The following GTF3C3 variants were observed in gnomAD, a reference collection of about 807,000 sequenced individuals.
The protein encoded by GTF3C3 is general transcription factor IIIC subunit 3.
GTF3C3 carries 75 observed loss-of-function variants against 105.2 expected under a neutral mutation model. The observed-to-expected ratio is 0.71, with a 90% confidence interval of 0.59 to 0.86. GTF3C3 has a LOEUF of 0.86. GTF3C3 is among the 40% of genes least tolerant of loss of function. The probability of loss-of-function intolerance (pLI) is 0.00; values close to 1 mark genes in which losing one functional copy is unlikely to be tolerated. For synonymous variants in GTF3C3, 335 were observed against 370.4 expected, an observed-to-expected ratio of 0.90 and a Z score of 1.10; for missense variants, 856 against 1,076.5, an observed-to-expected ratio of 0.80 and a Z score of 2.87.
chr2:196,799,521 G>GGGTTTTTCTCTCTTCTCTCC lies in GTF3C3; in HGVS notation c.71_90dup (p.Arg31GlyfsTer55). 1 of 1,613,574 alleles carries GGGTTTTTCTCTCTTCTCTCC rather than the reference G, an allele frequency of 6.2e-7. No homozygotes were observed. The highest frequency in any genetic ancestry group is 8.5e-7 in the Non-Finnish European group (1 of 1,179,530). On this transcript the variant is annotated frameshift_variant, in exon 1 of 18. Coordinates refer to ENST00000263956, the MANE Select transcript of GTF3C3 (RefSeq NM_012086.5). LOFTEE classifies it high-confidence loss of function. ...TAGCATCGCCTCACTTTCTTCTCGCGGGTTTTTCTCTCTTCTCTCCGCCGT... is the reference window on the plus strand; with the variant it reads ...TAGCATCGCCTCACTTTCTTCTCGCGGGTTTTTCTCTCTTCTCTCCGGTTTTTCTCTCTTCTCTCCGCCGT...
At chr2:196,794,133 G>A (rs184713151) in intron 2 of GTF3C3, among the ~76,000 whole-genome samples, 147 of 152,230 alleles carry the variant, frequency 9.7e-4, no homozygotes, top group African/African-American at 3.3e-3. Flanking sequence ...ACAGACCTGA[G>A]CTAGCATGCT....
At chr2:196,764,768 G>T in intron 17 of GTF3C3, 83 bp from the exon 18 acceptor site, 1 of 1,243,086 alleles carries the variant, frequency 8.0e-7, no homozygotes, top group Non-Finnish European at 1.1e-6. Flanking sequence ...AGTTTTATAA[G>T]TGTAAGTAAG....
intron 12 of GTF3C3, 54 bp from the exon 13 acceptor site, chr2:196,775,305 A>T: frequency 6.6e-7 from 1 of 1,515,296 alleles, no homozygotes; most frequent in East Asian, 2.3e-5. Flanking sequence ...TTTTGTTTAG[A>T]GACAAAGTCT....
chr2:196,768,303 G>A (rs1699108751), intron 16 of GTF3C3, among the ~76,000 whole-genome samples: 1 of 152,300 alleles, frequency 6.6e-6, no homozygotes, highest in East Asian at 1.9e-4. Context: ...ACAGGTGTAA[G>A]CCACTGTGCC....
Position 196,786,850 on chromosome 2 carries a change from CCTT to C in GTF3C3, c.894-1265_894-1263del, listed in dbSNP as rs1259812562. Among the ~76,000 whole-genome samples the C allele has an allele frequency of 6.6e-6, 1 of 152,120 alleles. No homozygotes were observed. The highest frequency in any genetic ancestry group is 1.5e-5 in the Non-Finnish European group (1 of 68,024). On this transcript the variant is annotated intron_variant, in intron 6 of 17. Coordinates refer to ENST00000263956, the MANE Select transcript of GTF3C3 (RefSeq NM_012086.5). The surrounding 1 kb of genome is among the most constrained non-coding windows in gnomAD (Gnocchi z 4.2). Reference sequence around the variant, plus strand: ...CCCATTCTGCCAATATTTCCAATCTCCTTGTTACTAAATCTGTCAATTCTCAGT... The same window carrying C: ...CCCATTCTGCCAATATTTCCAATCTCGTTACTAAATCTGTCAATTCTCAGT...
intron 7 of GTF3C3, 110 bp from the exon 8 acceptor site, chr2:196,785,039 T>TA: frequency 1.4e-6 from 1 of 714,194 alleles, no homozygotes; most frequent in Non-Finnish European, 2.3e-6. Flanking sequence ...AGTTGGGCTA[T>TA]AAAAAGAAAG....
intron 4 of GTF3C3, among the ~76,000 whole-genome samples, 182 bp from the exon 5 acceptor site, chr2:196,790,252 T>A (rs1338172432): frequency 6.6e-6 from 1 of 152,336 alleles, no homozygotes; most frequent in East Asian, 1.9e-4. Flanking sequence ...TCTGCTTTAT[T>A]TTCATACATT....
intron 15 of GTF3C3, 47 bp from the exon 16 acceptor site, chr2:196,770,086 ATTTAT>A: frequency 6.9e-7 from 1 of 1,438,922 alleles, no homozygotes; most frequent in Non-Finnish European, 9.1e-7. Flanking sequence ...GAACAGAGTT[ATTTAT>A]TTCTTCAACA....
At chr2:196,792,303 T>C (rs1231608473) in intron 3 of GTF3C3, among the ~76,000 whole-genome samples, 1 of 151,578 alleles carries the variant, frequency 6.6e-6, no homozygotes, top group African/African-American at 2.4e-5. Context: ...ACAACAGGAG[T>C]GCACTACCAC....
intron 16 of GTF3C3, 24 bp from the exon 17 acceptor site, chr2:196,766,741 T>G (rs1368820373): frequency 6.3e-7 from 1 of 1,582,876 alleles, no homozygotes; most frequent in East Asian, 2.2e-5. Context: ...AAAAGATAAT[T>G]CAATATTTCA....
rs1349403420 is a variant in GTF3C3, at chr2:196,784,873, G to A, written c.1098C>T (p.Thr366=). ...AACTACAACCTTTATTCTCTTCTGA[G>A]GTGCCTTCTTCTGAAGTTTTTTTTT... ...VLEKKTSEEG[T]SEENKAPENV... The change falls in exon 8 of 18, where the codon ACC becomes ACT. Residue 366 remains threonine (T), a synonymous_variant. Transcript: ENST00000263956. 1.9e-6 allele frequency: 3 copies of A among 1,611,172 alleles called. No individual in the cohort carries two copies. In the South Asian group the frequency reaches 3.3e-5, roughly 18 times the overall value.
Position 196,763,595 on chromosome 2 carries a change from T to TTTTA in GTF3C3, c.*964_*967dup, listed in dbSNP as rs376729316. 9.8e-5 allele frequency: 15 copies of TTTTA among 152,356 alleles called. No individual in the cohort carries two copies. Among genetic ancestry groups the TTTTA allele is most frequent in the African/African-American group, 2.6e-4 (11 of 41,590 alleles). The allele number at this position is 152,356 out of a possible 1,614,324, so 9.4% of individuals were successfully genotyped here. A position where few individuals can be genotyped will look rare whatever the true frequency, so the allele number is the denominator to read the frequency against. On this transcript the variant is annotated 3_prime_UTR_variant, in exon 18 of 18. Coordinates refer to ENST00000263956, the MANE Select transcript of GTF3C3 (RefSeq NM_012086.5). ...GGTAAGAATTTCTAATAAGTCCCAA[T>TTTTA]TTTATTTCTTTGATCCTAAGCCTCT...
chr2:196,775,872 T>G (rs1328031885), intron 12 of GTF3C3, 138 bp downstream of exon 12: 4 of 498,494 alleles, frequency 8.0e-6, no homozygotes, highest in East Asian at 6.8e-5. Context: ...CTCTAGCTTT[T>G]TTGTTTTTAT....
At chr2:196,777,704 T>C (rs1699282449) in intron 10 of GTF3C3, 1 of 152,232 alleles carries the variant, frequency 6.6e-6, no homozygotes, top group Non-Finnish European at 1.5e-5. Flanking sequence ...ATTCCTCTAA[T>C]TATCTTTCTT....
intron 3 of GTF3C3, among the ~76,000 whole-genome samples, chr2:196,792,162 CA>C (rs571266280): frequency 1.3e-3 from 203 of 152,110 alleles, no homozygotes; most frequent in Non-Finnish European, 2.2e-3. Flanking sequence ...AGTATGGACA[CA>C]GACATATTTT....
Position 196,764,360 on chromosome 2 carries a change from CAGACCA to C in GTF3C3, c.*197_*202del. 2.3e-6 allele frequency: 1 copy of C among 442,562 alleles called. No individual in the cohort carries two copies. The highest frequency in any genetic ancestry group is 4.0e-6 in the Non-Finnish European group (1 of 251,678). The allele number at this position is 442,562 out of a possible 1,614,324, so 27.4% of individuals were successfully genotyped here. On this transcript the variant is annotated 3_prime_UTR_variant, in exon 18 of 18. Coordinates refer to ENST00000263956, the MANE Select transcript of GTF3C3 (RefSeq NM_012086.5). ...ACTATAGAATGTGAAAGGAAAATGA[CAGACCA>C]ATATACAAATTTTTGTAGGAATAAT...
chr2:196,775,904 G>A, intron 12 of GTF3C3, 106 bp downstream of exon 12: 1 of 518,798 alleles, frequency 1.9e-6, no homozygotes, highest in Non-Finnish European at 3.3e-6. Flanking sequence ...AAAAGTTTGA[G>A]TTTAATGAAG....
In GTF3C3 at chr2:196,765,193, G is replaced by A. The variant is rs899037090; in HGVS notation, c.2539-508C>T. On this transcript the variant is annotated intron_variant, in intron 17 of 17. Coordinates refer to ENST00000263956, the MANE Select transcript of GTF3C3 (RefSeq NM_012086.5). ...AGGTTTAGGAGGGATACAACAAATT[G>A]ACTCCAATATTACCTCAGGGGTATT... Among the ~76,000 whole-genome samples, 4 of 152,028 alleles carry A rather than the reference G, an allele frequency of 2.6e-5. No homozygotes were observed. In the East Asian group the frequency reaches 7.7e-4, roughly 29 times the overall value.
chr2:196,794,742 C>CT (rs1219922050), intron 2 of GTF3C3, among the ~76,000 whole-genome samples: 48 of 137,120 alleles, frequency 3.5e-4, no homozygotes, highest in East Asian at 2.2e-3. Context: ...GCCAAAAACT[C>CT]TTTTTTTTTT....
Sources: gnomAD v4.1 joint callset for allele counts (sites outside exome capture counted in the v4.1 genomes callset) on GRCh38, gnomAD v4.1.1 for gene constraint, Gnocchi (gnomAD v3.1) non-coding constraint, MANE v1.5 for transcripts, NCBI Gene and HGNC (gene_info 2026-07-23, HGNC 2026-07-21) for gene names.